PAPPA: variants seen among roughly 807,000 people sequenced by gnomAD.
The protein encoded by PAPPA is pappalysin 1, also known as pappalysin-1.
A neutral mutation model predicts 164.0 loss-of-function variants in PAPPA; 60 were observed. The ratio of observed to expected loss-of-function variants is 0.37; its 90% confidence interval spans 0.30 to 0.45. The LOEUF (loss-of-function observed/expected upper bound fraction) is 0.45. Ranked by LOEUF, PAPPA falls within the 20% of genes least tolerant of loss-of-function variation. The probability of loss-of-function intolerance (pLI) is 1.00; values close to 1 mark genes in which losing one functional copy is unlikely to be tolerated. For synonymous variants in PAPPA, 875 were observed against 814.1 expected (o/e 1.07, Z -1.27); for missense variants, 1,782 against 2,087.3 (o/e 0.85, Z 2.85).
chr9:116,167,934 A>G (rs1228345196), intron 1 of PAPPA, among the ~76,000 whole-genome samples: 1 of 152,206 alleles, frequency 6.6e-6, no homozygotes, highest in Non-Finnish European at 1.5e-5. Context: ...TTTACCTGCT[A>G]AATTAAGCTA....
At chr9:116,301,417 CAGG>C (rs1029231234) in intron 9 of PAPPA, among the ~76,000 whole-genome samples, 3 of 152,194 alleles carry the variant, frequency 2.0e-5, no homozygotes, top group African/African-American at 7.2e-5. Flanking sequence ...GGCACCCACA[CAGG>C]AGGTGGTATT....
At chr9:116,226,687 T>C (rs1844514657) in intron 5 of PAPPA, among the ~76,000 whole-genome samples, 1 of 152,088 alleles carries the variant, frequency 6.6e-6, no homozygotes, top group Non-Finnish European at 1.5e-5. Context: ...ATCTGGAAAA[T>C]GAGTAGGATC....
intron 13 of PAPPA, among the ~76,000 whole-genome samples, chr9:116,342,044 C>T (rs900722523): frequency 6.6e-6 from 1 of 152,208 alleles, no homozygotes; most frequent in Non-Finnish European, 1.5e-5. Context: ...ACTATTTATA[C>T]TTTAATGGCT....
At chr9:116,262,708 C>A (rs1312638205) in intron 7 of PAPPA, among the ~76,000 whole-genome samples, 1 of 152,112 alleles carries the variant, frequency 6.6e-6, no homozygotes, top group Admixed American at 6.5e-5. Flanking sequence ...GCTTAGGGTC[C>A]ATCTGAATGT....
chr9:116,251,368 C>T (rs755240479), intron 7 of PAPPA, among the ~76,000 whole-genome samples: 28 of 152,162 alleles, frequency 1.8e-4, no homozygotes, highest in Non-Finnish European at 3.4e-4. Context: ...AAGAGAAGCC[C>T]AGTCCCCAAA....
intron 10 of PAPPA, among the ~76,000 whole-genome samples, chr9:116,324,711 C>T (rs767257180): frequency 7.2e-5 from 11 of 152,150 alleles, no homozygotes; most frequent in South Asian, 2.1e-4. Context: ...CTTTGAAATG[C>T]GTGTAGTATT....
chr9:116,326,000 G>A (rs1333267676), intron 10 of PAPPA, among the ~76,000 whole-genome samples: 2 of 152,116 alleles, frequency 1.3e-5, no homozygotes, highest in African/African-American at 4.8e-5. Flanking sequence ...AAATAAGAAA[G>A]CTTATAGGCA....
intron 2 of PAPPA, among the ~76,000 whole-genome samples, chr9:116,194,861 T>G (rs1844085076): frequency 6.6e-6 from 1 of 152,224 alleles, no homozygotes; most frequent in East Asian, 1.9e-4. Context: ...AACTGCCATA[T>G]ACAAATTGAG....
intron 9 of PAPPA, among the ~76,000 whole-genome samples, chr9:116,284,463 C>T (rs1036369772): frequency 6.6e-6 from 1 of 151,360 alleles, no homozygotes; most frequent in African/African-American, 2.4e-5. Flanking sequence ...TATCAGCAGT[C>T]TCCAATGTTC....
chr9:116,201,741 G>A (rs1844173664), intron 2 of PAPPA, among the ~76,000 whole-genome samples: 1 of 152,190 alleles, frequency 6.6e-6, no homozygotes, highest in Admixed American at 6.5e-5. Context: ...CAAGATCACA[G>A]AGCCACTTTG....
chr9:116,309,327 C>A (rs1845686305), intron 10 of PAPPA, among the ~76,000 whole-genome samples: 1 of 152,134 alleles, frequency 6.6e-6, no homozygotes, highest in African/African-American at 2.4e-5. Flanking sequence ...CCATCTTCCT[C>A]AGCCTCCCAA....
chr9:116,303,625 C>A (rs561376521), intron 10 of PAPPA, among the ~76,000 whole-genome samples: 1 of 152,202 alleles, frequency 6.6e-6, no homozygotes, highest in Non-Finnish European at 1.5e-5. Context: ...GAAGCACCTG[C>A]CTTCCCCGAG....
intron 10 of PAPPA, among the ~76,000 whole-genome samples, chr9:116,329,827 T>A (rs75584976): frequency 0.011 from 1,716 of 152,300 alleles, 25 homozygotes; most frequent in African/African-American, 0.037. Flanking sequence ...ATATCATCCT[T>A]GTATATGAAT....
At chr9:116,371,906 T>C (rs1846579988) in intron 19 of PAPPA, among the ~76,000 whole-genome samples, 1 of 152,184 alleles carries the variant, frequency 6.6e-6, no homozygotes, top group African/African-American at 2.4e-5. Flanking sequence ...TTTTGCTTAT[T>C]TGTAAATTTA....
chr9:116,374,076 A>T (rs772229516), intron 19 of PAPPA, among the ~76,000 whole-genome samples: 2 of 150,890 alleles, frequency 1.3e-5, no homozygotes, highest in Non-Finnish European at 3.0e-5. Flanking sequence ...TGGTGTTTTC[A>T]TGCTGGTGAT....
Position 116,271,269 on chromosome 9 carries a change from C to A in PAPPA, c.2862-56C>A. ...GGCCCAGGGAGGGACTTTTCCATGT[C>A]CAGCCATGGTTTTAAGACTAAATTG... is the stretch of plus-strand genomic sequence containing the variant. On this transcript the variant is annotated intron_variant, in intron 8 of 21. Transcript: ENST00000328252. This position sits in a 1 kb window ranked among gnomAD's most constrained non-coding sequence, Gnocchi z 4.2. The A allele has an allele frequency of 8.0e-7, 1 of 1,254,726 alleles. No homozygotes were observed. Among genetic ancestry groups the A allele is most frequent in the Non-Finnish European group, 1.2e-6 (1 of 853,090 alleles). 77.7% of individuals were successfully genotyped at this position (1,254,726 alleles called of 1,614,324 possible).
intron 7 of PAPPA, among the ~76,000 whole-genome samples, chr9:116,260,837 A>G (rs1459716007): frequency 6.6e-6 from 1 of 152,226 alleles, no homozygotes; most frequent in African/African-American, 2.4e-5. Context: ...TGAAATTAAT[A>G]CAGAAAAACA....
chr9:116,217,781 C>A (rs1460920205), intron 4 of PAPPA, among the ~76,000 whole-genome samples: 1 of 152,142 alleles, frequency 6.6e-6, no homozygotes, highest in East Asian at 1.9e-4. Context: ...ATCGCGTTAT[C>A]ATCACTGTCT....
intron 1 of PAPPA, among the ~76,000 whole-genome samples, chr9:116,162,420 AT>A (rs1347746156): frequency 2.0e-5 from 3 of 152,124 alleles, no homozygotes; most frequent in Admixed American, 2.0e-4. Flanking sequence ...CTGGAGAGCA[AT>A]TCTAGAGCCT....
Sources: allele counts gnomAD v4.1 joint callset (sites outside exome capture counted in the v4.1 genomes callset), GRCh38; gene constraint gnomAD v4.1.1; non-coding constraint Gnocchi (gnomAD v3.1); transcripts MANE v1.5; gene names NCBI Gene and HGNC (gene_info 2026-07-23, HGNC 2026-07-21).